Variants in DIP2C observed in about 807,000 individuals in gnomAD.
The protein encoded by DIP2C is disco-interacting protein 2 homolog C.
DIP2C carries 33 observed loss-of-function variants against 192.4 expected under a neutral mutation model. That is an observed-to-expected ratio of 0.17 (90% CI 0.13 to 0.23). The LOEUF is 0.23. DIP2C is among the 10% of genes least tolerant of loss of function. The pLI is 1.00. For synonymous variants in DIP2C, 979 were observed against 864.1 expected (o/e 1.13, Z -2.33); for missense variants, 1,537 against 2,110.1 (o/e 0.73, Z 5.32).
intron 1 of DIP2C, among the ~76,000 whole-genome samples, chr10:568,689 C>A (rs1445720023): frequency 7.3e-6 from 1 of 137,598 alleles, no homozygotes; most frequent in African/African-American, 2.6e-5. Flanking sequence ...TGGCGTGAAC[C>A]CGGGAGGCGG....
intron 1 of DIP2C, among the ~76,000 whole-genome samples, chr10:647,397 T>C (rs182601551): frequency 5.7e-4 from 85 of 149,688 alleles, no homozygotes; most frequent in African/African-American, 2.0e-3. Context: ...CACGTCCACA[T>C]TGGATGGTGG....
At chr10:614,192 G>A (rs1423706560) in intron 1 of DIP2C, among the ~76,000 whole-genome samples, 1 of 152,174 alleles carries the variant, frequency 6.6e-6, no homozygotes, top group African/African-American at 2.4e-5. Context: ...TTCCACGGTG[G>A]CTAGGAGCCC....
intron 1 of DIP2C, among the ~76,000 whole-genome samples, chr10:686,292 T>TC (rs1289841879): frequency 6.6e-6 from 1 of 151,536 alleles, no homozygotes; most frequent in Non-Finnish European, 1.5e-5. Flanking sequence ...CCACAGGGCC[T>TC]CCGCACCCTC....
chr10:586,148 C>T (rs1202467932), intron 1 of DIP2C, among the ~76,000 whole-genome samples: 2 of 152,144 alleles, frequency 1.3e-5, no homozygotes. Flanking sequence ...TTCCACGTTT[C>T]CTTCTATTTC....
intron 17 of DIP2C, among the ~76,000 whole-genome samples, chr10:379,519 C>CA (rs1310183101): frequency 1.3e-5 from 2 of 152,178 alleles, no homozygotes; most frequent in East Asian, 3.9e-4. Flanking sequence ...AAGACTGACT[C>CA]ATAGCCCAGA....
chr10:304,361 T>C (rs1956205611), intron 32 of DIP2C, among the ~76,000 whole-genome samples: 1 of 152,170 alleles, frequency 6.6e-6, no homozygotes, highest in South Asian at 2.1e-4. Context: ...GGGACCACTG[T>C]GGTCTGTCAT....
chr10:539,317 T>C (rs755654708), intron 1 of DIP2C, among the ~76,000 whole-genome samples: 11 of 152,242 alleles, frequency 7.2e-5, no homozygotes, highest in Non-Finnish European at 1.5e-4. Context: ...GAATATTTTT[T>C]TAATGTGTTT....
Position 369,543 on chromosome 10 carries a change from C to G in DIP2C, c.2082G>C (p.Glu694Asp). The change falls in exon 18 of 37, where the codon GAG (glutamate) becomes GAC (aspartate). Residue 694 changes from glutamate to aspartate, a missense_variant. Coordinates refer to ENST00000280886, the MANE Select transcript of DIP2C (RefSeq NM_014974.3). ...CCTGCACGGTGAGCACGGACAGCTT[C>G]TCTTCCGAGTCCACACGAATGACCC... The part of the protein sequence containing the change: ...TYGVIRVDSE[E>D]KLSVLTVQDV... The G allele has an allele frequency of 1.9e-6, 3 of 1,587,622 alleles. No individual in the cohort carries two copies. The highest frequency in any genetic ancestry group is 2.6e-6 in the Non-Finnish European group (3 of 1,164,532).
At chr10:529,594 C>T (rs565417964) in intron 1 of DIP2C, among the ~76,000 whole-genome samples, 3 of 152,126 alleles carry the variant, frequency 2.0e-5, no homozygotes, top group African/African-American at 7.2e-5. Context: ...TCCTAAACAC[C>T]GTAAAACAGA....
intron 4 of DIP2C, among the ~76,000 whole-genome samples, chr10:427,097 T>TA (rs1468003210): frequency 7.9e-5 from 12 of 152,380 alleles, no homozygotes; most frequent in African/African-American, 2.9e-4. Flanking sequence ...CACACGTATC[T>TA]ATTATCCTAC....
intron 32 of DIP2C, among the ~76,000 whole-genome samples, chr10:298,374 G>A (rs148505812): frequency 6.6e-5 from 10 of 152,310 alleles, no homozygotes; most frequent in Middle Eastern, 3.4e-3. Context: ...TTCCCATGGC[G>A]TCATATCAAA....
In DIP2C at chr10:575,817, G is replaced by A. The variant is rs1014995106; in HGVS notation, c.86-89287C>T. Among the ~76,000 whole-genome samples the A allele has an allele frequency of 4.6e-5, 7 of 152,208 alleles. No individual in the cohort carries two copies. The South Asian group carries it at 6.2e-4, about 13-fold the overall frequency. On this transcript the variant is annotated intron_variant, in intron 1 of 36. Transcript: ENST00000280886. ...CTCCCACCCAACTAGGAAGCGCAAG[G>A]AGCCAAAGAAGAGTCAATTTAGGGT...
intron 3 of DIP2C, among the ~76,000 whole-genome samples, chr10:463,870 C>A (rs1241672689): frequency 2.0e-5 from 3 of 152,116 alleles, no homozygotes; most frequent in Non-Finnish European, 4.4e-5. Flanking sequence ...CTTTGACAAA[C>A]CTGACAAAAA....
intron 1 of DIP2C, among the ~76,000 whole-genome samples, chr10:550,174 T>TA (rs1407689047): frequency 6.6e-6 from 1 of 152,118 alleles, no homozygotes; most frequent in African/African-American, 2.4e-5. Flanking sequence ...CATGCCCAGC[T>TA]AATTTTTGTA....
At chr10:428,487 C>T (rs1966739472) in intron 4 of DIP2C, among the ~76,000 whole-genome samples, 1 of 152,190 alleles carries the variant, frequency 6.6e-6, no homozygotes, top group Non-Finnish European at 1.5e-5. Context: ...GTCTTCTGGT[C>T]TCCATTGTAT....
At chr10:467,534 AAAAAT>A (rs779784544) in intron 3 of DIP2C, among the ~76,000 whole-genome samples, 15 of 119,974 alleles carry the variant, frequency 1.3e-4, no homozygotes, top group African/African-American at 4.2e-4. Flanking sequence ...AGTATAAAAA[AAAAAT>A]AAATAAAATA....
intron 1 of DIP2C, among the ~76,000 whole-genome samples, chr10:578,839 CAT>C (rs1216595652): frequency 4.6e-5 from 7 of 152,108 alleles, no homozygotes; most frequent in Middle Eastern, 6.8e-3. Context: ...CATCCAGATC[CAT>C]ATAGTGTACG....
chr10:398,018 C>T (rs1333148849), intron 10 of DIP2C, among the ~76,000 whole-genome samples: 3 of 152,172 alleles, frequency 2.0e-5, no homozygotes, highest in Non-Finnish European at 4.4e-5. Context: ...AATAAGATAC[C>T]AACATGACAA....
rs543834664 is a variant in DIP2C at position 446,670 on chromosome 10, G to A, written c.269-5674C>T. Reference sequence around the variant, plus strand: ...CCTGACACCCAACTGTGGGCAGAGCGCCCCGGCTGCCACCATGGAGGAGGG... The same window carrying A: ...CCTGACACCCAACTGTGGGCAGAGCACCCCGGCTGCCACCATGGAGGAGGG... On this transcript the variant is annotated intron_variant, in intron 3 of 36. Coordinates refer to ENST00000280886, the MANE Select transcript of DIP2C (RefSeq NM_014974.3). Among the ~76,000 whole-genome samples the A allele has an allele frequency of 8.6e-4, 131 of 152,298 alleles. 2 individuals are homozygous for A. The highest frequency in any genetic ancestry group is 3.4e-3 in the Middle Eastern group (1 of 294).
Sources: gnomAD v4.1 joint callset for allele counts (sites outside exome capture counted in the v4.1 genomes callset) on GRCh38, gnomAD v4.1.1 for gene constraint, MANE v1.5 for transcripts, NCBI Gene and HGNC (gene_info 2026-07-23, HGNC 2026-07-21) for gene names.